Variants in GNAQ observed in about 807,000 individuals in gnomAD.
GNAQ encodes the protein G protein subunit alpha q, also known as guanine nucleotide-binding protein G(q) subunit alpha.
In GNAQ, 8 loss-of-function variants were observed where a neutral mutation model predicts 43.9. That is an observed-to-expected ratio of 0.18 (90% CI 0.11 to 0.33). GNAQ has a LOEUF of 0.33. Ranked by LOEUF, GNAQ falls within the 10% of genes least tolerant of loss-of-function variation. The pLI is 1.00. For missense variants in GNAQ, 158 were observed against 450.8 expected, an observed-to-expected ratio of 0.35 and a Z score of 5.88; for synonymous variants, 155 against 170.7, an observed-to-expected ratio of 0.91 and a Z score of 0.71.
intron 2 of GNAQ, among the ~76,000 whole-genome samples, chr9:77,919,629 T>C (rs1005372894): frequency 1.3e-5 from 2 of 152,122 alleles, no homozygotes; most frequent in Admixed American, 6.5e-5. Context: ...AGAACATGTA[T>C]ATGATATAGA....
intron 1 of GNAQ, among the ~76,000 whole-genome samples, chr9:77,935,558 T>G (rs368581218): frequency 6.6e-6 from 1 of 152,202 alleles, no homozygotes; most frequent in East Asian, 1.9e-4. Flanking sequence ...ACATGAAATG[T>G]CCCTGTTCTT....
At chr9:77,861,592 G>A (rs1321165556) in intron 2 of GNAQ, among the ~76,000 whole-genome samples, 2 of 152,096 alleles carry the variant, frequency 1.3e-5, no homozygotes, top group African/African-American at 2.4e-5. Flanking sequence ...GGAGAAATTG[G>A]CCAAAACAAA....
At chr9:77,750,721 T>C (rs1364130090) in intron 5 of GNAQ, among the ~76,000 whole-genome samples, 4 of 152,208 alleles carry the variant, frequency 2.6e-5, no homozygotes, top group Admixed American at 6.5e-5. Flanking sequence ...ACACTTGCTA[T>C]ATTAACCTCC....
rs541837851 is a variant in GNAQ, at chr9:77,858,216, C to G, written c.322-42446G>C. 4.0e-4 allele frequency among the ~76,000 whole-genome samples: 61 copies of G among 152,290 alleles called. 1 individual carries two copies. The highest frequency in any genetic ancestry group is 7.8e-4 in the Non-Finnish European group (53 of 68,018). Reference sequence around the variant, plus strand: ...CATGAGATTGAGTCTCCAGACCCAGCAGCAGTGTGGGTTCTGTGCTTTATC... The same window carrying G: ...CATGAGATTGAGTCTCCAGACCCAGGAGCAGTGTGGGTTCTGTGCTTTATC... On this transcript the variant is annotated intron_variant, in intron 2 of 6. Transcript: ENST00000286548.
intron 5 of GNAQ, among the ~76,000 whole-genome samples, chr9:77,730,092 T>A (rs553044598): frequency 4.7e-4 from 72 of 152,334 alleles, no homozygotes; most frequent in African/African-American, 1.7e-3. Context: ...TTTTAACCTC[T>A]TGCTCCAACC....
intron 1 of GNAQ, among the ~76,000 whole-genome samples, chr9:78,009,430 T>C (rs867809544): frequency 6.6e-6 from 1 of 152,298 alleles, no homozygotes; most frequent in Middle Eastern, 3.4e-3. Flanking sequence ...CGTCCCTCTC[T>C]CTTGATTTCT....
chr9:78,030,845 C>T (rs1824044237), intron 1 of GNAQ, among the ~76,000 whole-genome samples: 1 of 151,994 alleles, frequency 6.6e-6, no homozygotes, highest in Admixed American at 6.5e-5. Flanking sequence ...GCCAAGGCAC[C>T]GGGCAGGGCA....
intron 2 of GNAQ, among the ~76,000 whole-genome samples, chr9:77,901,788 A>G (rs1587397439): frequency 6.6e-6 from 1 of 152,148 alleles, no homozygotes; most frequent in Non-Finnish European, 1.5e-5. Flanking sequence ...AACAACAAAC[A>G]TTTATTTCTC....
intron 5 of GNAQ, among the ~76,000 whole-genome samples, chr9:77,729,268 T>C (rs370446752): frequency 6.6e-6 from 1 of 152,196 alleles, no homozygotes. Flanking sequence ...TTTCTCCCTA[T>C]GTTTCACTAT....
chr9:77,745,817 A>G (rs1825720002), intron 5 of GNAQ, among the ~76,000 whole-genome samples: 1 of 152,102 alleles, frequency 6.6e-6, no homozygotes, highest in Non-Finnish European at 1.5e-5. Flanking sequence ...ATAGTAACAG[A>G]ACACAGAGAA....
intron 1 of GNAQ, among the ~76,000 whole-genome samples, chr9:78,022,772 G>A (rs558836567): frequency 6.6e-6 from 1 of 152,278 alleles, no homozygotes; most frequent in South Asian, 2.1e-4. Context: ...CAGAAAGAAC[G>A]CATACTATAA....
At chr9:77,936,090 G>A (rs762434339) in intron 1 of GNAQ, among the ~76,000 whole-genome samples, 1 of 152,150 alleles carries the variant, frequency 6.6e-6, no homozygotes, top group Non-Finnish European at 1.5e-5. Flanking sequence ...GTACATCGGT[G>A]CATTTTATTA....
rs1191510456 is a variant in GNAQ, at chr9:77,847,490, C to T, written c.322-31720G>A. ...GGGCAGAGTGCTGCCTTACAATTTG[C>T]TACAGCAGATATCAAAAAGGAAGGG... On this transcript the variant is annotated intron_variant, in intron 2 of 6. Transcript: ENST00000286548. 2.6e-5 allele frequency among the ~76,000 whole-genome samples: 4 copies of T among 152,038 alleles called. No homozygotes were observed. The East Asian group carries it at 5.8e-4, about 22-fold the overall frequency.
At chr9:77,941,954 T>C (rs2118345712) in intron 1 of GNAQ, among the ~76,000 whole-genome samples, 1 of 135,438 alleles carries the variant, frequency 7.4e-6, no homozygotes, top group African/African-American at 2.8e-5. Context: ...ACACAGAGTA[T>C]TATATAGAAA....
intron 1 of GNAQ, among the ~76,000 whole-genome samples, chr9:77,975,505 CA>C (rs1039823394): frequency 2.7e-5 from 4 of 150,888 alleles, no homozygotes; most frequent in Non-Finnish European, 5.9e-5. Context: ...TCTCATTTCC[CA>C]AACTACACTT....
At chr9:77,993,470 G>A (rs561332082) in intron 1 of GNAQ, among the ~76,000 whole-genome samples, 75 of 152,238 alleles carry the variant, frequency 4.9e-4, no homozygotes, top group Non-Finnish European at 8.4e-4. Context: ...AGGCTGAGGC[G>A]GGCAGATCAC....
chr9:77,921,316 C>G (rs886831448), intron 2 of GNAQ, among the ~76,000 whole-genome samples: 6 of 152,242 alleles, frequency 3.9e-5, no homozygotes. Context: ...CAGTCACACC[C>G]TGGGTGCAGG....
At chr9:77,760,957 G>A (rs1325979671) in intron 5 of GNAQ, among the ~76,000 whole-genome samples, 2 of 151,544 alleles carry the variant, frequency 1.3e-5, no homozygotes, top group Admixed American at 6.6e-5. Context: ...GAAGGGAGGA[G>A]ACCCTCCGCC....
At chr9:77,952,777 T>C (rs1420666304) in intron 1 of GNAQ, among the ~76,000 whole-genome samples, 3 of 152,176 alleles carry the variant, frequency 2.0e-5, no homozygotes, top group Non-Finnish European at 4.4e-5. Context: ...AATTATTCAT[T>C]GGTAAATGTC....
Sources: allele counts gnomAD v4.1 joint callset (sites outside exome capture counted in the v4.1 genomes callset), GRCh38; gene constraint gnomAD v4.1.1; transcripts MANE v1.5; gene names NCBI Gene and HGNC (gene_info 2026-07-23, HGNC 2026-07-21).